MCTP1: variants seen among roughly 807,000 people sequenced by gnomAD.
MCTP1 encodes the protein multiple C2 and transmembrane domain-containing protein 1.
A neutral mutation model predicts 120.6 loss-of-function variants in MCTP1; 69 were observed. That is an observed-to-expected ratio of 0.57 (90% CI 0.47 to 0.70). The LOEUF (loss-of-function observed/expected upper bound fraction) is 0.70, where lower values mean the gene tolerates loss of function less well. MCTP1 is among the 30% of genes least tolerant of loss of function. The pLI is 0.00. For missense variants in MCTP1, 1,203 were observed against 1,248.8 expected (o/e 0.96, Z 0.55); for synonymous variants, 529 against 493.1 (o/e 1.07, Z -0.96).
chr5:95,081,514 C>G lies in MCTP1; in HGVS notation c.721-64030G>C, dbSNP rs1404779944. The G allele has an allele frequency of 1.9e-6, 3 of 1,599,412 alleles. No homozygotes were observed. In the South Asian group the frequency reaches 3.4e-5, roughly 18 times the overall value. On this transcript the variant is annotated intron_variant, in intron 1 of 22. Transcript: ENST00000515393. ...TTAGAAATGAACAAAACATCTTTCA[C>G]TCCAGTGAGAGAACTGCATATTTAG...
At chr5:94,823,226 T>C (rs192512533) in intron 17 of MCTP1, among the ~76,000 whole-genome samples, 280 of 152,340 alleles carry the variant, frequency 1.8e-3, no homozygotes, top group South Asian at 5.8e-3. Flanking sequence ...AATTTTTGTA[T>C]AAGGTGTAAG....
chr5:95,261,168 T>A (rs1396983995), intron 1 of MCTP1, among the ~76,000 whole-genome samples: 3 of 152,236 alleles, frequency 2.0e-5, no homozygotes, highest in African/African-American at 7.2e-5. Context: ...TCTGAGTAAC[T>A]GCTATCCATC....
In MCTP1 at chr5:94,732,809, T is replaced by G. The variant is rs551918839; in HGVS notation, c.2611-17923A>C. On this transcript the variant is annotated intron_variant, in intron 19 of 22. Coordinates refer to ENST00000515393, the MANE Select transcript of MCTP1 (RefSeq NM_024717.7). ...ACCACACACTGGATCTGCCAGAGTC[T>G]CGATCTTGGACTTTCTAGCCTCCAG... 3.9e-5 allele frequency among the ~76,000 whole-genome samples: 6 copies of G among 152,336 alleles called. No homozygotes were observed. The East Asian group carries it at 1.2e-3, about 29-fold the overall frequency.
chr5:94,781,146 T>G (rs901473242), intron 18 of MCTP1, among the ~76,000 whole-genome samples: 211 of 139,696 alleles, frequency 1.5e-3, no homozygotes, highest in African/African-American at 5.4e-3. Context: ...TTTTTTTTTT[T>G]GCTGAAATTA....
intron 17 of MCTP1, among the ~76,000 whole-genome samples, chr5:94,822,640 C>G (rs1043963426): frequency 1.3e-5 from 2 of 152,178 alleles, no homozygotes; most frequent in Non-Finnish European, 1.5e-5. Context: ...ACCACACTGT[C>G]TTCCACAACA....
rs369098212 is a variant in MCTP1 at position 94,805,447 on chromosome 5, C to T, written c.2437-6315G>A. ...TTCAAGACCAGCCTAGGTAACCTAG[C>T]GAGACCTCGTCTCTACTAAAAACAA... On this transcript the variant is annotated intron_variant, in intron 17 of 22. Coordinates refer to ENST00000515393, the MANE Select transcript of MCTP1 (RefSeq NM_024717.7). 1.2e-4 allele frequency among the ~76,000 whole-genome samples: 19 copies of T among 152,034 alleles called. No individual in the cohort carries two copies. In the South Asian group the frequency reaches 4.0e-3, roughly 32 times the overall value.
chr5:95,284,089 A>T lies in MCTP1; in HGVS notation c.487T>A (p.Ser163Thr). Residue 163 changes from serine (S) to threonine (T), a missense_variant, in exon 1 of 23, where the codon TCA becomes ACA. Physicochemically the swap from Ser to Thr is moderately conservative, Grantham distance 58. This residue lies in a region of MCTP1 where 463 missense variants were observed against 377.8 expected (regional missense o/e 1.23). Coordinates refer to ENST00000515393, the MANE Select transcript of MCTP1 (RefSeq NM_024717.7). This position sits in a 1 kb window ranked among gnomAD's most constrained non-coding sequence, Gnocchi z 5.2. ...PDSAPSSSSA[S>T]SSLSSSPQPP... Reference sequence around the variant, plus strand: ...TGGGGCGAGGAGGACAGGGAGGATGAGGCGGAGGAAGAGGAAGGAGCTGAG... The same window carrying T: ...TGGGGCGAGGAGGACAGGGAGGATGTGGCGGAGGAAGAGGAAGGAGCTGAG... The T allele has an allele frequency of 6.5e-7, 1 of 1,550,364 alleles. No individual in the cohort carries two copies. Among genetic ancestry groups the T allele is most frequent in the South Asian group, 1.2e-5 (1 of 84,364 alleles).
intron 2 of MCTP1, among the ~76,000 whole-genome samples, chr5:94,975,649 T>A (rs1231145272): frequency 6.6e-6 from 1 of 151,966 alleles, no homozygotes; most frequent in East Asian, 1.9e-4. Flanking sequence ...TGCAGACTCA[T>A]CTCTCAACAG....
chr5:95,000,297 T>C (rs966738919), intron 2 of MCTP1, among the ~76,000 whole-genome samples: 3 of 152,198 alleles, frequency 2.0e-5, no homozygotes, highest in Admixed American at 1.3e-4. Context: ...TTTGTATTTA[T>C]GATACTATAC....
chr5:95,017,498 A>G lies in MCTP1; in HGVS notation c.721-14T>C, dbSNP rs755772041. On this transcript the variant is annotated splice_polypyrimidine_tract_variant and intron_variant, in intron 1 of 22. Coordinates refer to ENST00000515393, the MANE Select transcript of MCTP1 (RefSeq NM_024717.7). ...GTTTATTATTTTCTGGAAAACACGA[A>G]ATATAAAAAATATTAAATTTATTAT... The G allele has an allele frequency of 2.5e-5, 37 of 1,506,782 alleles. No homozygotes were observed. Among genetic ancestry groups the G allele is most frequent in the Non-Finnish European group, 3.4e-5 (37 of 1,098,586 alleles). The allele number at this position is 1,506,782 out of a possible 1,614,324, so 93.3% of individuals were successfully genotyped here. A position where few individuals can be genotyped will look rare whatever the true frequency, so the allele number is the denominator to read the frequency against.
chr5:95,256,741 G>GCAGCTAAAAA (rs1246574107), intron 1 of MCTP1, among the ~76,000 whole-genome samples: 117 of 152,258 alleles, frequency 7.7e-4, no homozygotes, highest in African/African-American at 2.5e-3. Flanking sequence ...AGAGAGAGAG[G>GCAGCTAAAAA]AAAGAGACCT....
intron 1 of MCTP1, among the ~76,000 whole-genome samples, chr5:95,261,984 C>G (rs1758511030): frequency 6.6e-6 from 1 of 152,192 alleles, no homozygotes; most frequent in African/African-American, 2.4e-5. Flanking sequence ...CCTTTATAGC[C>G]CCCCATCAAC....
rs544422233 is a variant in MCTP1 at position 95,118,381 on chromosome 5, A to G, written c.721-100897T>C. ...ATGGTAACCTCAAATCAAAAAAAAC[A>G]TACAACGGATACACAAAAATGAAAA... On this transcript the variant is annotated intron_variant, in intron 1 of 22. Transcript: ENST00000515393. Among the ~76,000 whole-genome samples the G allele has an allele frequency of 3.9e-5, 6 of 152,298 alleles. No individual in the cohort carries two copies. In the South Asian group the frequency reaches 1.2e-3, roughly 32 times the overall value.
At chr5:94,711,125 C>A (rs1208929517) in intron 20 of MCTP1, among the ~76,000 whole-genome samples, 198 bp from the exon 21 acceptor site, 1 of 152,106 alleles carries the variant, frequency 6.6e-6, no homozygotes, top group African/African-American at 2.4e-5. Context: ...AGTAAAGAGT[C>A]TTGCTGCCAC....
intron 1 of MCTP1, among the ~76,000 whole-genome samples, chr5:95,041,978 T>C (rs1422400433): frequency 6.6e-6 from 1 of 152,194 alleles, no homozygotes; most frequent in Non-Finnish European, 1.5e-5. Context: ...GAACTCTGCC[T>C]GTGAGCTCAG....
chr5:95,077,548 C>A (rs1582182746), intron 1 of MCTP1, among the ~76,000 whole-genome samples: 1 of 152,150 alleles, frequency 6.6e-6, no homozygotes, highest in East Asian at 1.9e-4. Flanking sequence ...TCTCGGCTCA[C>A]TGCAAGCTCC....
At chr5:94,985,085 G>A (rs995100651) in intron 2 of MCTP1, among the ~76,000 whole-genome samples, 1 of 152,056 alleles carries the variant, frequency 6.6e-6, no homozygotes, top group Non-Finnish European at 1.5e-5. Context: ...AAATCTCCAA[G>A]TCCTTCCAGC....
intron 18 of MCTP1, among the ~76,000 whole-genome samples, chr5:94,780,299 T>G (rs1183024146): frequency 2.6e-5 from 4 of 151,982 alleles, no homozygotes; most frequent in African/African-American, 9.7e-5. Flanking sequence ...AGGAATATTC[T>G]ATTGGTGTAC....
intron 1 of MCTP1, among the ~76,000 whole-genome samples, chr5:95,047,181 G>C (rs1397853485): frequency 6.6e-6 from 1 of 152,168 alleles, no homozygotes; most frequent in Non-Finnish European, 1.5e-5. Flanking sequence ...TGATGTCCTT[G>C]AAGACCGTTT....
Sources: allele counts gnomAD v4.1 joint callset (sites outside exome capture counted in the v4.1 genomes callset), GRCh38; gene constraint gnomAD v4.1.1; regional missense constraint gnomAD v4.1.1; non-coding constraint Gnocchi (gnomAD v3.1); transcripts MANE v1.5; gene names NCBI Gene and HGNC (gene_info 2026-07-23, HGNC 2026-07-21).